CNTNAP2: variants seen among roughly 807,000 people sequenced by gnomAD.
CNTNAP2 encodes the protein contactin-associated protein-like 2.
A neutral mutation model predicts 155.2 loss-of-function variants in CNTNAP2; 98 were observed. That is an observed-to-expected ratio of 0.63 (90% CI 0.54 to 0.75). The LOEUF (loss-of-function observed/expected upper bound fraction) is 0.75. Among genes scored for constraint, CNTNAP2 ranks in the 30% least tolerant of loss-of-function variants. The pLI is 0.00. For missense variants in CNTNAP2, 1,727 were observed against 1,688.1 expected (o/e 1.02, Z -0.40); for synonymous variants, 651 against 631.2 (o/e 1.03, Z -0.47).
intron 2 of CNTNAP2, among the ~76,000 whole-genome samples, chr7:146,819,331 G>T (rs931897817): frequency 1.1e-4 from 16 of 152,090 alleles, no homozygotes; most frequent in African/African-American, 3.9e-4. Context: ...GTGAATCAAA[G>T]ACATTATTCT....
intron 3 of CNTNAP2, among the ~76,000 whole-genome samples, chr7:146,893,734 C>T (rs1585142855): frequency 1.3e-5 from 2 of 152,162 alleles, no homozygotes; most frequent in Admixed American, 1.3e-4. Context: ...TTCAAGGAAT[C>T]CAGCCATTTT....
chr7:147,417,723 G>T (rs1415671037), intron 10 of CNTNAP2, among the ~76,000 whole-genome samples: 5 of 152,002 alleles, frequency 3.3e-5, no homozygotes, highest in African/African-American at 7.2e-5. Context: ...CAAAATTATT[G>T]TTCCTTAAAA....
chr7:146,385,057 C>G (rs752117738), intron 1 of CNTNAP2, among the ~76,000 whole-genome samples: 3 of 152,078 alleles, frequency 2.0e-5, no homozygotes, highest in Non-Finnish European at 2.9e-5. Flanking sequence ...ATCAAAGTGG[C>G]GCAGCATATA....
At chr7:147,469,288 A>G (rs1408454870) in intron 10 of CNTNAP2, among the ~76,000 whole-genome samples, 2 of 152,184 alleles carry the variant, frequency 1.3e-5, no homozygotes, top group Admixed American at 1.3e-4. Context: ...CTACAAAAGT[A>G]TCTTACAAAG....
At chr7:146,939,458 A>G (rs940171175) in intron 3 of CNTNAP2, among the ~76,000 whole-genome samples, 3 of 152,160 alleles carry the variant, frequency 2.0e-5, no homozygotes, top group Non-Finnish European at 4.4e-5. Flanking sequence ...GGGTTTTTTT[A>G]TTTTTACTTC....
At chr7:147,482,415 G>A (rs1302209276) in intron 10 of CNTNAP2, among the ~76,000 whole-genome samples, 1 of 152,108 alleles carries the variant, frequency 6.6e-6, no homozygotes, top group East Asian at 1.9e-4. Flanking sequence ...CAGGGAGAAT[G>A]TCAATTTTCA....
At chr7:148,327,626 T>C (rs1797915097) in intron 21 of CNTNAP2, among the ~76,000 whole-genome samples, 1 of 152,140 alleles carries the variant, frequency 6.6e-6, no homozygotes, top group South Asian at 2.1e-4. Context: ...GAGTCACAGG[T>C]GTTGTTACCA....
At chr7:147,870,473 G>A (rs533994623) in intron 13 of CNTNAP2, among the ~76,000 whole-genome samples, 57 of 152,220 alleles carry the variant, frequency 3.7e-4, no homozygotes, top group Middle Eastern at 3.4e-3. Context: ...TGTGGTGGTG[G>A]ATCCCAAGCA....
chr7:147,684,051 G>C (rs1368006088), intron 13 of CNTNAP2, among the ~76,000 whole-genome samples: 2 of 151,648 alleles, frequency 1.3e-5, no homozygotes, highest in East Asian at 3.9e-4. Context: ...ACCCTGTCTG[G>C]TATACTATTA....
intron 15 of CNTNAP2, among the ~76,000 whole-genome samples, chr7:148,096,214 T>C (rs1803963801): frequency 6.6e-6 from 1 of 152,152 alleles, no homozygotes; most frequent in Admixed American, 6.6e-5. Flanking sequence ...CACTATGTTA[T>C]TCCAACCTCA....
At chr7:148,156,443 G>A (rs1031141613) in intron 17 of CNTNAP2, among the ~76,000 whole-genome samples, 1 of 151,990 alleles carries the variant, frequency 6.6e-6, no homozygotes, top group Middle Eastern at 3.4e-3. Flanking sequence ...TACCAAGCTG[G>A]CCATCACTTA....
At chr7:146,392,599 T>G (rs1164556698) in intron 1 of CNTNAP2, among the ~76,000 whole-genome samples, 2 of 152,212 alleles carry the variant, frequency 1.3e-5, no homozygotes, top group African/African-American at 4.8e-5. Context: ...TACTAAATGC[T>G]CATTCTGGTA....
chr7:146,475,001 G>GCA (rs569573675), intron 1 of CNTNAP2, among the ~76,000 whole-genome samples: 33 of 127,044 alleles, frequency 2.6e-4, no homozygotes, highest in South Asian at 2.1e-3. Flanking sequence ...GAGCGCGCAC[G>GCA]CGCGCGCGCG....
chr7:146,368,205 A>G (rs1380692942), intron 1 of CNTNAP2, among the ~76,000 whole-genome samples: 1 of 152,130 alleles, frequency 6.6e-6, no homozygotes, highest in African/African-American at 2.4e-5. Context: ...TGCTCTATTT[A>G]TATTCAGAAT....
At chr7:147,932,862 G>A (rs1407216319) in intron 14 of CNTNAP2, among the ~76,000 whole-genome samples, 1 of 152,060 alleles carries the variant, frequency 6.6e-6, no homozygotes, top group Non-Finnish European at 1.5e-5. Flanking sequence ...TCCAACTTAA[G>A]AGTAAAAAAG....
intron 8 of CNTNAP2, among the ~76,000 whole-genome samples, chr7:147,245,009 C>T (rs573044563): frequency 1.4e-3 from 217 of 152,056 alleles, no homozygotes; most frequent in African/African-American, 4.6e-3. Context: ...GCACTGAAAA[C>T]GAAATTTCTA....
intron 17 of CNTNAP2, among the ~76,000 whole-genome samples, chr7:148,151,796 A>G (rs1805301115): frequency 6.6e-6 from 1 of 152,226 alleles, no homozygotes; most frequent in African/African-American, 2.4e-5. Flanking sequence ...GCTCACATGC[A>G]GAGATGTCCC....
At chr7:146,253,536 T>C (rs551807305) in intron 1 of CNTNAP2, among the ~76,000 whole-genome samples, 2 of 152,386 alleles carry the variant, frequency 1.3e-5, no homozygotes, top group East Asian at 3.9e-4. Flanking sequence ...ATTCCTATTT[T>C]ATTTTATATT....
chr7:148,097,418 GGGACTTT>G lies in CNTNAP2; in HGVS notation c.2384-20696_2384-20690del, dbSNP rs556312696. ...TTAAATAGTTTGACAAGATAAATCA[GGGACTTT>G]GGAATAAAGAGTTAGTAATATGTTG... On this transcript the variant is annotated intron_variant, in intron 15 of 23. Transcript: ENST00000361727. Among the ~76,000 whole-genome samples the G allele has an allele frequency of 4.0e-3, 598 of 150,386 alleles. 5 individuals are homozygous for G. The highest frequency in any genetic ancestry group is 0.014 in the African/African-American group (578 of 40,852).
Sources: allele counts gnomAD v4.1 joint callset (sites outside exome capture counted in the v4.1 genomes callset), GRCh38; gene constraint gnomAD v4.1.1; transcripts MANE v1.5; gene names NCBI Gene and HGNC (gene_info 2026-07-23, HGNC 2026-07-21).